Variants in KCNH7 observed in about 807,000 individuals in gnomAD.
KCNH7 encodes the protein voltage-gated inwardly rectifying potassium channel KCNH7.
Under a neutral mutation model 120.8 loss-of-function variants are expected in KCNH7, and 49 were observed. The ratio of observed to expected loss-of-function variants is 0.41; its 90% CI spans 0.32 to 0.51. The LOEUF (loss-of-function observed/expected upper bound fraction) is 0.51, where lower values mean the gene tolerates loss of function less well. KCNH7 is among the 20% of genes least tolerant of loss of function. The pLI is 0.38. For synonymous variants in KCNH7, 547 were observed against 516.1 expected (o/e 1.06, Z -0.81); for missense variants, 1,097 against 1,446.6 (o/e 0.76, Z 3.92).
In KCNH7 at chr2:162,504,599, G is replaced by A. The variant is rs762400513; in HGVS notation, c.972C>T (p.Asn324=). The A allele has an allele frequency of 2.5e-6, 4 of 1,612,968 alleles. No individual in the cohort carries two copies. In the Admixed American group the frequency reaches 5.0e-5, roughly 20 times the overall value. The stretch of plus-strand genomic sequence containing the variant: ...GAATCTTGTTAATGGTGCTGTATTT[G>A]TTGAGGTTTGAATCTGATGTGGATC... The part of the protein sequence containing the change: ...LLGSTSDSNL[N]KYSTINKIPQ... Residue 324 remains asparagine (N), a synonymous_variant, in exon 6 of 16, where the codon AAC becomes AAT. Transcript: ENST00000332142.
intron 6 of KCNH7, chr2:162,496,856 C>T (rs766543279): frequency 2.0e-5 from 3 of 152,096 alleles, no homozygotes; most frequent in Non-Finnish European, 2.9e-5. Context: ...CTTTTCAAAT[C>T]ATGTCATTGA....
rs200453653 is a variant in KCNH7, at chr2:162,435,632, G to A, written c.1555-35C>T. 485 of 1,529,998 alleles carry A rather than the reference G, an allele frequency of 3.2e-4. 3 individuals carry two copies. Among genetic ancestry groups the A allele is most frequent in the Non-Finnish European group, 2.5e-4 (285 of 1,140,328 alleles). 94.8% of individuals were successfully genotyped at this position (1,529,998 alleles called of 1,614,324 possible). A position where few individuals can be genotyped will look rare whatever the true frequency, so the allele number is the denominator to read the frequency against. On this transcript the variant is annotated intron_variant, in intron 7 of 15. Coordinates refer to ENST00000332142, the MANE Select transcript of KCNH7 (RefSeq NM_033272.4). ...TAAATGTACACAGTCAGAAACGGTC[G>A]GCAAACAATTCAAAGTACATTCATA...
intron 2 of KCNH7, among the ~76,000 whole-genome samples, chr2:162,618,190 A>T (rs1049542185): frequency 1.3e-5 from 2 of 152,210 alleles, no homozygotes; most frequent in East Asian, 3.9e-4. Context: ...CTATAAGGTC[A>T]TGACATCATA....
intron 2 of KCNH7, among the ~76,000 whole-genome samples, chr2:162,560,328 C>T (rs1693016085): frequency 6.6e-6 from 1 of 152,162 alleles, no homozygotes; most frequent in Admixed American, 6.5e-5. Flanking sequence ...CTCTTCTTAC[C>T]TCCTGGCAAG....
chr2:162,682,858 C>A (rs1685760680), intron 2 of KCNH7, among the ~76,000 whole-genome samples: 1 of 151,720 alleles, frequency 6.6e-6, no homozygotes, highest in Admixed American at 6.6e-5. Flanking sequence ...CCATAATTTC[C>A]TAAATGTTGG....
chr2:162,704,578 CA>C (rs1686629706), intron 2 of KCNH7, among the ~76,000 whole-genome samples: 2 of 152,144 alleles, frequency 1.3e-5, no homozygotes. Flanking sequence ...ATATGTGGTT[CA>C]AAAATCCACA....
intron 2 of KCNH7, among the ~76,000 whole-genome samples, chr2:162,644,493 C>T (rs1684282350): frequency 6.6e-6 from 1 of 152,080 alleles, no homozygotes; most frequent in South Asian, 2.1e-4. Context: ...GCTAAGCCAT[C>T]CTGTCCTGAA....
At chr2:162,448,668 A>T (rs1235835594) in intron 6 of KCNH7, among the ~76,000 whole-genome samples, 1 of 152,106 alleles carries the variant, frequency 6.6e-6, no homozygotes, top group Non-Finnish European at 1.5e-5. Context: ...TTTTAGCAGA[A>T]GTATGAATTA....
chr2:162,515,035 C>T (rs1000262005), intron 4 of KCNH7, among the ~76,000 whole-genome samples: 1 of 151,678 alleles, frequency 6.6e-6, no homozygotes, highest in Non-Finnish European at 1.5e-5. Flanking sequence ...ATCAATGGCT[C>T]TATTTCTAAA....
intron 2 of KCNH7, among the ~76,000 whole-genome samples, chr2:162,798,857 C>T (rs952493881): frequency 6.6e-6 from 1 of 151,948 alleles, no homozygotes; most frequent in African/African-American, 2.4e-5. Context: ...TGAAAAGCGA[C>T]CCCCACCTAT....
chr2:162,437,635 A>T (rs943750361), intron 7 of KCNH7, among the ~76,000 whole-genome samples: 10 of 152,124 alleles, frequency 6.6e-5, no homozygotes, highest in South Asian at 6.2e-4. Flanking sequence ...TATGAAGTGT[A>T]GTTTCTTCAT....
intron 6 of KCNH7, among the ~76,000 whole-genome samples, chr2:162,463,392 A>T (rs1454494580): frequency 1.3e-5 from 2 of 151,468 alleles, no homozygotes; most frequent in Middle Eastern, 3.2e-3. Flanking sequence ...ACAATAAAAA[A>T]GTTTTAACAG....
At chr2:162,528,088 C>A (rs746079868) in intron 3 of KCNH7, 1 of 151,900 alleles carries the variant, frequency 6.6e-6, no homozygotes, top group African/African-American at 2.4e-5. Flanking sequence ...GGCAGGCAAT[C>A]TGAGTAATGC....
chr2:162,834,760 G>A (rs925274240), intron 2 of KCNH7, among the ~76,000 whole-genome samples: 8 of 151,968 alleles, frequency 5.3e-5, no homozygotes, highest in African/African-American at 1.7e-4. Context: ...ACATCATCAC[G>A]CCACTTGCGG....
chr2:162,739,572 C>T (rs1362222992), intron 2 of KCNH7, among the ~76,000 whole-genome samples: 1 of 152,112 alleles, frequency 6.6e-6, no homozygotes, highest in Non-Finnish European at 1.5e-5. Context: ...CTACATGGGG[C>T]CCAGTCATCA....
intron 2 of KCNH7, among the ~76,000 whole-genome samples, chr2:162,672,274 A>G (rs770201071): frequency 3.9e-5 from 6 of 152,118 alleles, no homozygotes; most frequent in Non-Finnish European, 7.4e-5. Context: ...AGTAACTTTT[A>G]GCAAATTTCA....
chr2:162,517,776 G>A lies in KCNH7; in HGVS notation c.846C>T (p.Phe282=), dbSNP rs749571947. The A allele has an allele frequency of 5.9e-5, 94 of 1,587,858 alleles. No homozygotes were observed. Among genetic ancestry groups the A allele is most frequent in the Non-Finnish European group, 7.8e-5 (91 of 1,159,460 alleles). ...RASSVHDIEG[F]GVHPKNIFRD... is the part of the protein sequence containing the mutation. ...TAAATATGTTCTTGGGGTGGACGCC[G>A]AATCCTTCTATATCATGGACCGAAG... The change falls in exon 4 of 16, where the codon TTC becomes TTT. Residue 282 remains phenylalanine (F), a synonymous_variant. Transcript: ENST00000332142.
intron 2 of KCNH7, among the ~76,000 whole-genome samples, chr2:162,590,190 C>T (rs997880061): frequency 1.3e-5 from 2 of 151,886 alleles, no homozygotes; most frequent in African/African-American, 4.8e-5. Flanking sequence ...AGAAATACAC[C>T]TGAAAATAGT....
chr2:162,487,143 A>G (rs1690124182), intron 6 of KCNH7, among the ~76,000 whole-genome samples: 1 of 152,178 alleles, frequency 6.6e-6, no homozygotes, highest in Non-Finnish European at 1.5e-5. Context: ...CTCCAGTATG[A>G]TCGTGTTAAT....
Sources: gnomAD v4.1 joint callset for allele counts (sites outside exome capture counted in the v4.1 genomes callset) on GRCh38, gnomAD v4.1.1 for gene constraint, MANE v1.5 for transcripts, NCBI Gene and HGNC (gene_info 2026-07-23, HGNC 2026-07-21) for gene names.